Variants in EPHA2 observed in about 807,000 individuals in gnomAD.
The protein encoded by EPHA2 is ephrin type-A receptor 2.
EPHA2 carries 54 observed loss-of-function variants against 104.9 expected under a neutral mutation model. The ratio of observed to expected loss-of-function variants is 0.51; its 90% CI spans 0.41 to 0.65. The LOEUF is 0.65. Ranked by LOEUF, EPHA2 falls within the 30% of genes least tolerant of loss-of-function variation. The pLI is 0.00. For synonymous variants in EPHA2, 560 were observed against 559.1 expected, an observed-to-expected ratio of 1.00 and a Z score of -0.02; for missense variants, 1,117 against 1,369.5, an observed-to-expected ratio of 0.82 and a Z score of 2.91.
At chr1:16,126,443 G>A (rs1452687220) in intron 16 of EPHA2, among the ~76,000 whole-genome samples, 1 of 152,296 alleles carries the variant, frequency 6.6e-6, no homozygotes, top group Non-Finnish European at 1.5e-5. Context: ...CGGGAGCCCC[G>A]GCACAGGCGC....
chr1:16,134,081 G>A lies in EPHA2; in HGVS notation c.1683-166C>T, dbSNP rs139974008. ...GCTCCACTCTCAGGGCCGAGGGTGC[G>A]GAGAAGGCGGGTGGAGGAACAGGGA... On this transcript the variant is annotated intron_variant, in intron 8 of 16. Coordinates refer to ENST00000358432, the MANE Select transcript of EPHA2 (RefSeq NM_004431.5). This position sits in a 1 kb window ranked among gnomAD's most constrained non-coding sequence, Gnocchi z 4.5. Among the ~76,000 whole-genome samples, 96 of 152,222 alleles carry A rather than the reference G, an allele frequency of 6.3e-4. No homozygotes were observed. In the East Asian group the frequency reaches 0.017, roughly 27 times the overall value.
In EPHA2 at chr1:16,132,177, G is replaced by A. The variant is rs1557503115; in HGVS notation, c.2212C>T (p.Arg738Cys). The part of the protein sequence containing the change: ...KYLANMNYVH[R>C]DLAARNILVN... The stretch of plus-strand genomic sequence containing the variant: ...AGGATGTTGCGGGCAGCCAGGTCAC[G>A]GTGCACATAGTTCATGTTGGCCAGG... Residue 738 changes from arginine to cysteine, a missense_variant, in exon 13 of 17, where the codon CGT becomes TGT. Transcript: ENST00000358432. 10 of 1,614,210 alleles carry A rather than the reference G, an allele frequency of 6.2e-6. No homozygotes were observed. The highest frequency in any genetic ancestry group is 2.7e-5 in the African/African-American group (2 of 75,054).
chr1:16,147,295 T>C (rs964667496), intron 3 of EPHA2, among the ~76,000 whole-genome samples: 4 of 152,222 alleles, frequency 2.6e-5, no homozygotes, highest in African/African-American at 7.2e-5. Flanking sequence ...AATGGGAAAT[T>C]TGTGGCCCTG....
chr1:16,142,308 AC>A (rs1381290754), intron 3 of EPHA2, among the ~76,000 whole-genome samples: 1 of 152,114 alleles, frequency 6.6e-6, no homozygotes, highest in Non-Finnish European at 1.5e-5. Flanking sequence ...ACAGATAAAC[AC>A]TGTTTCAGCT....
Position 16,155,936 on chromosome 1 carries a change from G to T in EPHA2, c.-4C>A, listed in dbSNP as rs2025159371. 1 of 1,489,500 alleles carries T rather than the reference G, an allele frequency of 6.7e-7. No homozygotes were observed. Among genetic ancestry groups the T allele is most frequent in the Non-Finnish European group, 8.9e-7 (1 of 1,127,322 alleles). The allele number at this position is 1,489,500 out of a possible 1,614,324, so 92.3% of individuals were successfully genotyped here. On this transcript the variant is annotated 5_prime_UTR_variant, in exon 1 of 17. Transcript: ENST00000358432. ...CGCGGGCTGCCTGGAGCTCCATGCC[G>T]CGCTTCTCGCTCTCGGTCCGATCCC...
At position 16,130,431 on chromosome 1, in the gene EPHA2, C is replaced by A; in HGVS notation, c.2476-12G>T. 2 of 1,541,074 alleles carry A rather than the reference C, an allele frequency of 1.3e-6. No individual in the cohort carries two copies. The highest frequency in any genetic ancestry group is 1.8e-6 in the Non-Finnish European group (2 of 1,140,594). Reference sequence around the variant, plus strand: ...ATGGCTTTCATCACCTGGCGGGGCACGAAGGTCAGGGGCGCTGTTGCAGAA... The same window carrying A: ...ATGGCTTTCATCACCTGGCGGGGCAAGAAGGTCAGGGGCGCTGTTGCAGAA... On this transcript the variant is annotated splice_polypyrimidine_tract_variant and intron_variant, in intron 14 of 16. Coordinates refer to ENST00000358432, the MANE Select transcript of EPHA2 (RefSeq NM_004431.5). The surrounding 1 kb of genome is among the most constrained non-coding windows in gnomAD (Gnocchi z 4.5).
chr1:16,127,243 G>C (rs190625668), intron 16 of EPHA2, among the ~76,000 whole-genome samples: 2 of 152,262 alleles, frequency 1.3e-5, no homozygotes, highest in East Asian at 3.9e-4. Context: ...GGGCACTGGA[G>C]ACCCTAAGAT....
chr1:16,148,542 G>T lies in EPHA2; in HGVS notation c.659C>A (p.Ala220Glu). Reference protein sequence around the residue: ...HFPETIAGSDAPSLATVAGTC... With the variant: ...HFPETIAGSDEPSLATVAGTC... ...GCCGGCCACAGTGGCCAGGGAAGGT[G>T]CATCAGAGCCGGCGATGGTCTCAGG... Residue 220 changes from alanine (A) to glutamate (E), a missense_variant, in exon 3 of 17, where the codon GCA becomes GAA. By Grantham distance (107) the Ala-to-Glu change is moderately radical. Around this residue, in one of 3 missense-constraint regions of EPHA2, gnomAD observed 664 missense variants for 784.8 expected, o/e 0.85. Coordinates refer to ENST00000358432, the MANE Select transcript of EPHA2 (RefSeq NM_004431.5). This position sits in a 1 kb window ranked among gnomAD's most constrained non-coding sequence, Gnocchi z 4.9. The T allele has an allele frequency of 6.2e-7, 1 of 1,613,314 alleles. No homozygotes were observed. Among genetic ancestry groups the T allele is most frequent in the South Asian group, 1.1e-5 (1 of 91,084 alleles).
chr1:16,143,937 C>G (rs1569592184), intron 3 of EPHA2, among the ~76,000 whole-genome samples: 2 of 152,290 alleles, frequency 1.3e-5, no homozygotes, highest in East Asian at 3.9e-4. Context: ...GGGCTGCCCC[C>G]AGGGCCTGAC....
chr1:16,138,818 A>G (rs1026308008), intron 3 of EPHA2, among the ~76,000 whole-genome samples: 2 of 152,158 alleles, frequency 1.3e-5, no homozygotes, highest in African/African-American at 4.8e-5. Flanking sequence ...TCCTCCATGC[A>G]GACTAGCCTG....
chr1:16,148,491 G>A lies in EPHA2; in HGVS notation c.710C>T (p.Pro237Leu). The A allele has an allele frequency of 6.2e-7, 1 of 1,613,828 alleles. No individual in the cohort carries two copies. Among genetic ancestry groups the A allele is most frequent in the Non-Finnish European group, 8.5e-7 (1 of 1,180,024 alleles). ...CATACGGGGCTCTTCACCCCCCGGTGGCACCACGGCATGGTCCACACAGGT... is the reference window on the plus strand; with the variant it reads ...CATACGGGGCTCTTCACCCCCCGGTAGCACCACGGCATGGTCCACACAGGT... Reference protein sequence around the residue: ...AGTCVDHAVVPPGGEEPRMHC... With the variant: ...AGTCVDHAVVLPGGEEPRMHC... Residue 237 changes from proline (P) to leucine (L), a missense_variant, in exon 3 of 17, where the codon CCA becomes CTA. By Grantham distance (98) the Pro-to-Leu change is moderately conservative. Around this residue, in one of 3 missense-constraint regions of EPHA2, gnomAD observed 664 missense variants for 784.8 expected, o/e 0.85. Transcript: ENST00000358432. The surrounding 1 kb of genome is among the most constrained non-coding windows in gnomAD (Gnocchi z 4.9).
chr1:16,132,801 G>A (rs1235673629), intron 11 of EPHA2, among the ~76,000 whole-genome samples: 16 of 132,916 alleles, frequency 1.2e-4, no homozygotes, highest in African/African-American at 4.2e-4. Context: ...AGGTGTAGAG[G>A]AGGTGGGTAC....
Position 16,133,471 on chromosome 1 carries a change from C to T in EPHA2, c.1864+10G>A, listed in dbSNP as rs2124206851. 6.2e-7 allele frequency: 1 copy of T among 1,614,070 alleles called. No individual in the cohort carries two copies. Among genetic ancestry groups the T allele is most frequent in the South Asian group, 1.1e-5 (1 of 91,090 alleles). On this transcript the variant is annotated intron_variant, in intron 10 of 16. Transcript: ENST00000358432. ...CTCCTCAGGGCCCCTTGGCAGGGGG[C>T]CAACCTCACCTGCTCCGATCACCTT...
intron 5 of EPHA2, among the ~76,000 whole-genome samples, chr1:16,136,902 G>A (rs904398019): frequency 6.6e-6 from 1 of 151,142 alleles, no homozygotes; most frequent in Non-Finnish European, 1.5e-5. Context: ...GGGTTCAAGC[G>A]ATTCTCCTGC....
Position 16,125,326 on chromosome 1 carries a change from G to A in EPHA2, c.2826-6C>T, listed in dbSNP as rs760716390. The A allele has an allele frequency of 8.7e-6, 14 of 1,611,108 alleles. No individual in the cohort carries two copies. The highest frequency in any genetic ancestry group is 4.2e-6 in the Non-Finnish European group (5 of 1,178,432). On this transcript the variant is annotated splice_polypyrimidine_tract_variant and splice_region_variant and intron_variant, in intron 16 of 16. Coordinates refer to ENST00000358432, the MANE Select transcript of EPHA2 (RefSeq NM_004431.5). This position sits in a 1 kb window ranked among gnomAD's most constrained non-coding sequence, Gnocchi z 4.9. Reference sequence around the variant, plus strand: ...CCCCAATCCTCTTGATGTCGCTGTGGGCCGGGAGGGAGAGAGGGAGAGTTA... The same window carrying A: ...CCCCAATCCTCTTGATGTCGCTGTGAGCCGGGAGGGAGAGAGGGAGAGTTA...
Position 16,148,456 on chromosome 1 carries a change from C to T in EPHA2, c.745G>A (p.Val249Met). The T allele has an allele frequency of 2.5e-6, 4 of 1,613,942 alleles. No homozygotes were observed. The highest frequency in any genetic ancestry group is 3.4e-6 in the Non-Finnish European group (4 of 1,180,052). The change falls in exon 3 of 17, where the codon GTG (valine) becomes ATG (methionine). Residue 249 changes from valine to methionine, a missense_variant. Val to Met is a conservative substitution (Grantham distance 21). Transcript: ENST00000358432. This position sits in a 1 kb window ranked among gnomAD's most constrained non-coding sequence, Gnocchi z 4.9. Reference sequence around the variant, plus strand: ...ATGGGCACCAGCCACTCGCCATCCACTGCACAGTGCATACGGGGCTCTTCA... The same window carrying T: ...ATGGGCACCAGCCACTCGCCATCCATTGCACAGTGCATACGGGGCTCTTCA... Reference protein sequence around the residue: ...GGEEPRMHCAVDGEWLVPIGQ... With the variant: ...GGEEPRMHCAMDGEWLVPIGQ...
chr1:16,140,615 ATTAT>A (rs547326167), intron 3 of EPHA2, among the ~76,000 whole-genome samples: 11 of 152,000 alleles, frequency 7.2e-5, no homozygotes, highest in South Asian at 2.1e-4. Context: ...CTCCTTTTTC[ATTAT>A]TTATTTATTT....
At chr1:16,126,864 AC>A (rs925904832) in intron 16 of EPHA2, among the ~76,000 whole-genome samples, 1 of 151,534 alleles carries the variant, frequency 6.6e-6, no homozygotes, top group African/African-American at 2.4e-5. Flanking sequence ...TGGGCCCATC[AC>A]CCCCACAGCA....
chr1:16,144,596 G>A (rs932631677), intron 3 of EPHA2, among the ~76,000 whole-genome samples: 27 of 152,220 alleles, frequency 1.8e-4, no homozygotes, highest in African/African-American at 6.0e-4. Flanking sequence ...ACAGTCAACA[G>A]CTTCCCCGGT....
Sources: allele counts gnomAD v4.1 joint callset (sites outside exome capture counted in the v4.1 genomes callset), GRCh38; gene constraint gnomAD v4.1.1; regional missense constraint gnomAD v4.1.1; non-coding constraint Gnocchi (gnomAD v3.1); transcripts MANE v1.5; gene names NCBI Gene and HGNC (gene_info 2026-07-23, HGNC 2026-07-21).